Variants in GRID1 observed in about 807,000 individuals in gnomAD.
The protein encoded by GRID1 is glutamate receptor ionotropic, delta-1.
GRID1 carries 28 observed loss-of-function variants against 98.0 expected under a neutral mutation model. That is an observed-to-expected ratio of 0.29 (90% CI 0.21 to 0.39). GRID1 has a LOEUF of 0.39. GRID1 is among the 10% of genes least tolerant of loss of function. The pLI is 1.00. For synonymous variants in GRID1, 553 were observed against 538.5 expected (o/e 1.03, Z -0.37); for missense variants, 1,111 against 1,340.5 (o/e 0.83, Z 2.67).
In GRID1 at chr10:86,194,674, A is replaced by C. The variant is rs542664938; in HGVS notation, c.520+11690T>G. Among the ~76,000 whole-genome samples the C allele has an allele frequency of 3.0e-4, 45 of 152,236 alleles. 1 individual carries two copies. In the South Asian group the frequency reaches 9.1e-3, roughly 31 times the overall value. ...AAATAATTTCAAAGCAAAAATCCCA[A>C]AGCAGGGTGGTCTCCCCTTCCACAT... On this transcript the variant is annotated intron_variant, in intron 3 of 15. Transcript: ENST00000327946.
Position 85,862,444 on chromosome 10 carries a change from T to G in GRID1, c.952-6254A>C, listed in dbSNP as rs1345187401. Among the ~76,000 whole-genome samples, 5 of 152,110 alleles carry G rather than the reference T, an allele frequency of 3.3e-5. No homozygotes were observed. The East Asian group carries it at 9.6e-4, about 29-fold the overall frequency. Reference sequence around the variant, plus strand: ...GAGATGGGAGCTCTGTGTGAATAAATGTAGAATTGGCCATCTCCCACCAGA... The same window carrying G: ...GAGATGGGAGCTCTGTGTGAATAAAGGTAGAATTGGCCATCTCCCACCAGA... On this transcript the variant is annotated intron_variant, in intron 6 of 15. Transcript: ENST00000327946.
intron 4 of GRID1, among the ~76,000 whole-genome samples, chr10:85,919,494 TG>T (rs1176860470): frequency 2.0e-5 from 3 of 152,170 alleles, no homozygotes; most frequent in African/African-American, 7.2e-5. Context: ...GCAGGAACAC[TG>T]CCTGCCTCCC....
chr10:86,314,086 C>T lies in GRID1; in HGVS notation c.235+49855G>A, dbSNP rs80317757. On this transcript the variant is annotated intron_variant, in intron 2 of 15. Transcript: ENST00000327946. ...TAGTTTTCGGTTTTTCCTGCTTTAT[C>T]TTTCTTTGTTAAGGGCAGATCAGGT... is the stretch of plus-strand genomic sequence containing the variant. Among the ~76,000 whole-genome samples, 659 of 152,326 alleles carry T rather than the reference C, an allele frequency of 4.3e-3. 4 individuals carry two copies. Among genetic ancestry groups the T allele is most frequent in the Non-Finnish European group, 8.2e-3 (557 of 68,026 alleles).
At chr10:85,972,592 T>C (rs1842423020) in intron 4 of GRID1, among the ~76,000 whole-genome samples, 1 of 151,908 alleles carries the variant, frequency 6.6e-6, no homozygotes, top group South Asian at 2.1e-4. Flanking sequence ...TTTGCAATCA[T>C]CATGTTTATT....
At chr10:85,614,558 G>T (rs868289251) in intron 14 of GRID1, among the ~76,000 whole-genome samples, 1 of 152,052 alleles carries the variant, frequency 6.6e-6, no homozygotes, top group African/African-American at 2.4e-5. Flanking sequence ...GGCTGCCAGG[G>T]TTGGCTTTCA....
At chr10:86,198,194 A>C (rs1269590985) in intron 3 of GRID1, among the ~76,000 whole-genome samples, 4 of 152,096 alleles carry the variant, frequency 2.6e-5, no homozygotes, top group African/African-American at 9.7e-5. Flanking sequence ...TATGAAAACC[A>C]GTTAAGCTGT....
At chr10:86,056,791 C>T (rs151128630) in intron 4 of GRID1, among the ~76,000 whole-genome samples, 46 of 152,324 alleles carry the variant, frequency 3.0e-4, no homozygotes, top group African/African-American at 1.0e-3. Context: ...TTGGCTGTTG[C>T]CCATACATAT....
chr10:85,622,560 C>A (rs2132524715), intron 13 of GRID1, among the ~76,000 whole-genome samples: 1 of 152,220 alleles, frequency 6.6e-6, no homozygotes, highest in African/African-American at 2.4e-5. Flanking sequence ...TTTCTTGTGT[C>A]TGCTTGAGGA....
intron 4 of GRID1, among the ~76,000 whole-genome samples, chr10:86,106,126 C>G (rs369486283): frequency 6.6e-6 from 1 of 152,126 alleles, no homozygotes; most frequent in East Asian, 1.9e-4. Flanking sequence ...ACCCTTTGCT[C>G]CTGCTCTAGG....
intron 4 of GRID1, among the ~76,000 whole-genome samples, chr10:86,054,902 A>G (rs914321587): frequency 2.6e-5 from 4 of 152,190 alleles, no homozygotes; most frequent in Non-Finnish European, 4.4e-5. Flanking sequence ...TTCTTTGGCC[A>G]ATAGAATGAG....
At chr10:85,836,210 A>T (rs1186576369) in intron 8 of GRID1, among the ~76,000 whole-genome samples, 1 of 152,232 alleles carries the variant, frequency 6.6e-6, no homozygotes, top group African/African-American at 2.4e-5. Context: ...TATAATTTTT[A>T]AAATGAAACA....
At chr10:85,678,912 T>G (rs1259650803) in intron 12 of GRID1, among the ~76,000 whole-genome samples, 1 of 152,148 alleles carries the variant, frequency 6.6e-6, no homozygotes, top group African/African-American at 2.4e-5. Context: ...TCTCAATGGA[T>G]AAAGGAGAGG....
intron 12 of GRID1, among the ~76,000 whole-genome samples, chr10:85,704,090 T>C (rs1217515717): frequency 2.6e-5 from 4 of 152,208 alleles, no homozygotes; most frequent in South Asian, 2.1e-4. Context: ...GCTAACATCA[T>C]AATGACAGGA....
chr10:85,963,207 A>T (rs74593048), intron 4 of GRID1, among the ~76,000 whole-genome samples: 1 of 146,500 alleles, frequency 6.8e-6, no homozygotes, highest in Non-Finnish European at 1.5e-5. Flanking sequence ...TCTTTCAGCC[A>T]AAAAAAAAAA....
intron 2 of GRID1, among the ~76,000 whole-genome samples, chr10:86,342,806 C>T (rs1004896804): frequency 6.6e-6 from 1 of 152,224 alleles, no homozygotes; most frequent in African/African-American, 2.4e-5. Flanking sequence ...AGCCCCGGCC[C>T]GACAGCCCAT....
At chr10:86,190,117 G>C (rs533118652) in intron 3 of GRID1, among the ~76,000 whole-genome samples, 13 of 152,202 alleles carry the variant, frequency 8.5e-5, no homozygotes, top group African/African-American at 2.9e-4. Context: ...CCGTTACCTT[G>C]AATATCCTCT....
At chr10:86,142,445 A>G (rs1845023833) in intron 3 of GRID1, among the ~76,000 whole-genome samples, 2 of 152,246 alleles carry the variant, frequency 1.3e-5, no homozygotes, top group East Asian at 3.8e-4. Context: ...AGTCAGCCCC[A>G]GGGCAAGGCC....
At chr10:85,778,405 C>A (rs1842351724) in intron 8 of GRID1, among the ~76,000 whole-genome samples, 1 of 152,162 alleles carries the variant, frequency 6.6e-6, no homozygotes, top group Non-Finnish European at 1.5e-5. Flanking sequence ...GAATGAAATG[C>A]CACTCCAGGG....
At chr10:85,836,396 G>T (rs1033779470) in intron 8 of GRID1, among the ~76,000 whole-genome samples, 9 of 152,040 alleles carry the variant, frequency 5.9e-5, no homozygotes, top group African/African-American at 1.9e-4. Context: ...AGATTGAAGA[G>T]GGAGAAAACT....
Sources: allele counts gnomAD v4.1 joint callset (sites outside exome capture counted in the v4.1 genomes callset), GRCh38; gene constraint gnomAD v4.1.1; transcripts MANE v1.5; gene names NCBI Gene and HGNC (gene_info 2026-07-23, HGNC 2026-07-21).